Variants in CCDC7 observed in about 807,000 individuals in gnomAD.
CCDC7 encodes the protein coiled-coil domain containing 7, also known as coiled-coil domain-containing protein 7.
CCDC7 carries 183 observed loss-of-function variants against 196.9 expected under a neutral mutation model. That is an observed-to-expected ratio of 0.93 (90% confidence interval 0.82 to 1.05). The LOEUF (loss-of-function observed/expected upper bound fraction) is 1.05. Ranked by LOEUF, CCDC7 falls within the 50% of genes least tolerant of loss-of-function variation. The pLI is 0.00. For synonymous variants in CCDC7, 525 were observed against 484.6 expected, an observed-to-expected ratio of 1.08 and a Z score of -1.10; for missense variants, 1,540 against 1,482.2, an observed-to-expected ratio of 1.04 and a Z score of -0.64.
At chr10:32,554,058 T>G (rs1012450509) in intron 13 of CCDC7, among the ~76,000 whole-genome samples, 11 of 152,182 alleles carry the variant, frequency 7.2e-5, no homozygotes, top group African/African-American at 2.7e-4. Context: ...AGGAGGGTTA[T>G]GGCTGCCTCT....
chr10:32,682,214 C>G (rs577856666), intron 21 of CCDC7, among the ~76,000 whole-genome samples: 1 of 152,266 alleles, frequency 6.6e-6, no homozygotes, highest in East Asian at 1.9e-4. Context: ...TATTTTTCCC[C>G]TCTTTGTGTC....
chr10:32,649,435 C>A (rs951236505), intron 20 of CCDC7, among the ~76,000 whole-genome samples: 2 of 152,204 alleles, frequency 1.3e-5, no homozygotes, highest in Non-Finnish European at 2.9e-5. Context: ...CACCTTCTCT[C>A]TAGCTGCCTC....
intron 21 of CCDC7, among the ~76,000 whole-genome samples, chr10:32,679,756 A>G (rs1021795196): frequency 1.3e-5 from 2 of 152,188 alleles, no homozygotes; most frequent in South Asian, 2.1e-4. Context: ...TCATGAATGG[A>G]TTAGAAGGCT....
chr10:32,809,800 C>T (rs1230307632), intron 30 of CCDC7, among the ~76,000 whole-genome samples: 1 of 152,144 alleles, frequency 6.6e-6, no homozygotes, highest in Non-Finnish European at 1.5e-5. Flanking sequence ...CTAGTTCAAC[C>T]ATTGTGGAAG....
chr10:32,809,694 G>T (rs902633159), intron 30 of CCDC7, among the ~76,000 whole-genome samples: 1 of 152,188 alleles, frequency 6.6e-6, no homozygotes, highest in Non-Finnish European at 1.5e-5. Flanking sequence ...TCTCACACCA[G>T]TTAGAATGGC....
At chr10:32,735,509 A>G (rs931612369) in intron 28 of CCDC7, among the ~76,000 whole-genome samples, 3 of 152,136 alleles carry the variant, frequency 2.0e-5, no homozygotes, top group African/African-American at 4.8e-5. Context: ...TTTGCCATCT[A>G]TATATCTTTT....
intron 6 of CCDC7, 102 bp from the exon 8 acceptor site, chr10:32,472,379 A>T: frequency 2.8e-6 from 3 of 1,055,460 alleles, no homozygotes; most frequent in Non-Finnish European, 3.8e-6. Flanking sequence ...TTTATTCTAC[A>T]AACTTCATAT....
chr10:32,488,456 G>T (rs909561088), intron 8 of CCDC7, among the ~76,000 whole-genome samples: 1 of 152,188 alleles, frequency 6.6e-6, no homozygotes, highest in Non-Finnish European at 1.5e-5. Context: ...GCCTTGCTGT[G>T]CTTCGGCTGA....
chr10:32,859,729 A>G lies in CCDC7; in HGVS notation c.4111+5240A>G, dbSNP rs565332207. ...GATGCAATAAAAAATGATAAAGGGA[A>G]TATCACCACCGATCCCACAGAAATA... On this transcript the variant is annotated intron_variant, in intron 41 of 41. Transcript: ENST00000639629. 1.2e-3 allele frequency among the ~76,000 whole-genome samples: 186 copies of G among 152,338 alleles called. 1 individual carries two copies. The highest frequency in any genetic ancestry group is 4.3e-3 in the African/African-American group (178 of 41,594).
chr10:32,453,289 A>G (rs2033557021), intron 1 of CCDC7, 55 bp from the exon 3 acceptor site: 1 of 1,174,996 alleles, frequency 8.5e-7, no homozygotes. Flanking sequence ...TACATTTAAT[A>G]TAATTAATTT....
At chr10:32,473,758 G>T (rs2038420148) in intron 7 of CCDC7, among the ~76,000 whole-genome samples, 1 of 152,158 alleles carries the variant, frequency 6.6e-6, no homozygotes, top group African/African-American at 2.4e-5. Context: ...ATGAGAAAGT[G>T]ATGTTTATAA....
chr10:32,624,218 T>C (rs1156629872), intron 18 of CCDC7, among the ~76,000 whole-genome samples: 8 of 152,204 alleles, frequency 5.3e-5, no homozygotes, highest in Non-Finnish European at 1.5e-5. Flanking sequence ...TTCCATTATC[T>C]TTTTTGTTGC....
At chr10:32,516,234 T>G (rs901180364) in intron 9 of CCDC7, among the ~76,000 whole-genome samples, 2 of 151,914 alleles carry the variant, frequency 1.3e-5, no homozygotes, top group Non-Finnish European at 2.9e-5. Flanking sequence ...AAAGAAGATA[T>G]AGAAATGCCC....
intron 28 of CCDC7, among the ~76,000 whole-genome samples, chr10:32,759,042 T>G (rs985940940): frequency 3.3e-5 from 5 of 152,170 alleles, no homozygotes; most frequent in Non-Finnish European, 5.9e-5. Flanking sequence ...ACAAGGGATG[T>G]GAAGGACCTC....
chr10:32,727,318 G>A (rs17296212), intron 26 of CCDC7, among the ~76,000 whole-genome samples: 5,903 of 152,178 alleles, frequency 0.039, 121 homozygotes, highest in Middle Eastern at 0.051. Context: ...TTGGTTGAGC[G>A]CCACACAAAA....
intron 21 of CCDC7, among the ~76,000 whole-genome samples, chr10:32,676,401 G>A (rs925479715): frequency 1.3e-5 from 2 of 151,688 alleles, no homozygotes; most frequent in African/African-American, 4.8e-5. Flanking sequence ...CTTCTGTACA[G>A]CAAAAGAAAC....
At chr10:32,705,454 A>G (rs2079553728) in intron 24 of CCDC7, among the ~76,000 whole-genome samples, 1 of 152,152 alleles carries the variant, frequency 6.6e-6, no homozygotes, top group South Asian at 2.1e-4. Flanking sequence ...ACAGGATCAA[A>G]TTCACACATA....
Position 32,451,646 on chromosome 10 carries a change from A to G in CCDC7, c.4A>G (p.Lys2Glu), listed in dbSNP as rs567893423. 1.8e-5 allele frequency: 29 copies of G among 1,575,404 alleles called. No individual in the cohort carries two copies. The East Asian group carries it at 4.8e-4, about 26-fold the overall frequency. The stretch of plus-strand genomic sequence containing the variant: ...TGGAAGCCAAGTCAGTAACAAAATG[A>G]AACCAGTAAAGCATCTGTTGACCAC... Residue 2 changes from lysine (K) to glutamate (E), a missense_variant, in exon 1 of 42, where the codon AAA becomes GAA. Coordinates refer to ENST00000639629, the Ensembl canonical transcript of CCDC7.
intron 25 of CCDC7, among the ~76,000 whole-genome samples, chr10:32,719,934 G>A (rs931450800): frequency 6.6e-6 from 1 of 152,196 alleles, no homozygotes; most frequent in Non-Finnish European, 1.5e-5. Context: ...GTGTAAATTA[G>A]TTCAACCATT....
Sources: gnomAD v4.1 joint callset for allele counts (sites outside exome capture counted in the v4.1 genomes callset) on GRCh38, gnomAD v4.1.1 for gene constraint, MANE v1.5 for transcripts, NCBI Gene and HGNC (gene_info 2026-07-23, HGNC 2026-07-21) for gene names.